ZNF83: variants seen among roughly 807,000 people sequenced by gnomAD.
ZNF83 encodes zinc finger protein 816B.
For missense variants in ZNF83, 552 were observed against 629.9 expected (o/e 0.88, Z 1.32); for synonymous variants, 209 against 213.0 (o/e 0.98, Z 0.17).
exon 3 of ZNF83, chr19:52,614,012 C>T: frequency 6.2e-7 from 1 of 1,613,212 alleles, no homozygotes; most frequent in Non-Finnish European, 8.5e-7. Context: ...TGATTAAAGA[C>T]CTTGCCACAT....
intron 1 of ZNF83, among the ~76,000 whole-genome samples, chr19:52,682,408 C>T (rs1007112272): frequency 6.6e-6 from 1 of 152,028 alleles, no homozygotes; most frequent in Non-Finnish European, 1.5e-5. Context: ...AGTGGTGGCT[C>T]ATGCCTGAAA....
At chr19:52,678,202 T>C (rs2061849890) in intron 1 of ZNF83, among the ~76,000 whole-genome samples, 1 of 151,844 alleles carries the variant, frequency 6.6e-6, no homozygotes, top group South Asian at 2.1e-4. Context: ...CCTGTAATCC[T>C]AGCACTTTGG....
chr19:52,684,237 G>C (rs1390435099), intron 1 of ZNF83, among the ~76,000 whole-genome samples: 1 of 151,980 alleles, frequency 6.6e-6, no homozygotes, highest in Non-Finnish European at 1.5e-5. Flanking sequence ...GGCTTGGTGG[G>C]CATCTGTAAT....
At chr19:52,655,487 A>G in intron 3 of ZNF83, 1 of 1,327,722 alleles carries the variant, frequency 7.5e-7, no homozygotes, top group Non-Finnish European at 1.1e-6. Flanking sequence ...AAATCACAAA[A>G]GAGAATACAA....
At chr19:52,687,199 T>C (rs1162652628) in intron 1 of ZNF83, among the ~76,000 whole-genome samples, 1 of 143,948 alleles carries the variant, frequency 6.9e-6, no homozygotes, top group Non-Finnish European at 1.5e-5. Flanking sequence ...AAAAAAAAAG[T>C]ACTATGTAGG....
At chr19:52,689,726 C>T (rs1223631356) in intron 1 of ZNF83, among the ~76,000 whole-genome samples, 1 of 151,318 alleles carries the variant, frequency 6.6e-6, no homozygotes, top group African/African-American at 2.5e-5. Flanking sequence ...TTCTTCTTTT[C>T]TCTGTCTCAG....
chr19:52,613,844 C>A, exon 3 of ZNF83: 1 of 1,614,116 alleles, frequency 6.2e-7, no homozygotes, highest in Non-Finnish European at 8.5e-7. Context: ...CGACTGAACA[C>A]CTTGCCACAT....
chr19:52,661,811 A>T (rs1449793494), intron 1 of ZNF83, among the ~76,000 whole-genome samples: 1 of 152,144 alleles, frequency 6.6e-6, no homozygotes, highest in African/African-American at 2.4e-5. Flanking sequence ...TGCAATGTCA[A>T]ATGGGGCCTG....
chr19:52,646,540 T>A (rs1165867663), intron 3 of ZNF83, among the ~76,000 whole-genome samples: 7 of 152,188 alleles, frequency 4.6e-5, no homozygotes, highest in African/African-American at 1.2e-4. Context: ...TAGAGCCAGA[T>A]GCTATCTGAA....
chr19:52,655,860 C>T (rs560821714), intron 2 of ZNF83, among the ~76,000 whole-genome samples: 1 of 152,138 alleles, frequency 6.6e-6, no homozygotes, highest in Non-Finnish European at 1.5e-5. Flanking sequence ...TGTACTTTCC[C>T]ATGATAGATT....
upstream of ZNF83, chr19:52,638,402 C>T (rs2061228968): frequency 6.6e-6 from 1 of 151,518 alleles, no homozygotes; most frequent in East Asian, 2.0e-4. Flanking sequence ...GGGCGGGGCC[C>T]GCGAGGTGGG....
chr19:52,613,079 C>T lies in ZNF83; in HGVS notation c.1486G>A (p.Asp496Asn), dbSNP rs191070309. The T allele has an allele frequency of 7.4e-6, 12 of 1,612,938 alleles. No individual in the cohort carries two copies. Among genetic ancestry groups the T allele is most frequent in the African/African-American group, 4.0e-5 (3 of 74,962 alleles). ...TGATGACGTACAAGATATGAATTGT[C>T]GCGGAAGAGTTTGCCACATTCATTA... The change falls in exon 3 of 3, where the codon GAC (aspartate) becomes AAC (asparagine). Residue 496 changes from aspartate (D) to asparagine (N), a missense_variant. By Grantham distance (23) the Asp-to-Asn change is conservative. Transcript: ENST00000301096.
chr19:52,680,603 A>G (rs2061891253), intron 1 of ZNF83, among the ~76,000 whole-genome samples: 1 of 101,640 alleles, frequency 9.8e-6, no homozygotes, highest in African/African-American at 3.0e-5. Flanking sequence ...TTTTCCACAA[A>G]ATATTTTTTT....
rs1259173570 is a variant in ZNF83, at chr19:52,618,901, G to A, written c.-233-4104C>T. 5.2e-6 allele frequency: 8 copies of A among 1,542,640 alleles called. 1 individual carries two copies. Among genetic ancestry groups the A allele is most frequent in the African/African-American group, 1.4e-5 (1 of 72,180 alleles). On this transcript the variant is annotated intron_variant, in intron 2 of 2. Coordinates refer to ENST00000301096, the Ensembl canonical transcript of ZNF83. The stretch of plus-strand genomic sequence containing the variant: ...AGAGAAAATGCAAAGATACACAAGG[G>A]AACATCCCCACTTCTGGAGGGAAGT...
At chr19:52,676,530 C>A (rs1257218285) in intron 1 of ZNF83, among the ~76,000 whole-genome samples, 1 of 151,690 alleles carries the variant, frequency 6.6e-6, no homozygotes, top group East Asian at 2.0e-4. Flanking sequence ...GGCCAGCCGC[C>A]CCGTCTGGGA....
chr19:52,650,211 C>T (rs541768494), intron 3 of ZNF83, among the ~76,000 whole-genome samples: 6 of 150,960 alleles, frequency 4.0e-5, no homozygotes, highest in South Asian at 4.2e-4. Flanking sequence ...ACTGAGAGCC[C>T]GTGGTAAATT....
At chr19:52,634,914 T>C (rs970116341) in intron 2 of ZNF83, among the ~76,000 whole-genome samples, 152 bp downstream of exon 2, 4 of 151,748 alleles carry the variant, frequency 2.6e-5, no homozygotes, top group African/African-American at 9.7e-5. Context: ...GGAATCTAAG[T>C]GAGATGAGAG....
intron 1 of ZNF83, among the ~76,000 whole-genome samples, chr19:52,664,700 G>A (rs1011643196): frequency 6.6e-6 from 1 of 151,798 alleles, no homozygotes; most frequent in African/African-American, 2.4e-5. Flanking sequence ...CAGATTAAGT[G>A]GGTGGGGCCT....
intron 2 of ZNF83, among the ~76,000 whole-genome samples, chr19:52,620,122 T>C (rs1184965777): frequency 2.6e-5 from 4 of 152,114 alleles, no homozygotes; most frequent in Non-Finnish European, 4.4e-5. Flanking sequence ...AATAATAAAA[T>C]TTACGCAGAC....
Sources: allele counts gnomAD v4.1 joint callset (sites outside exome capture counted in the v4.1 genomes callset), GRCh38; gene constraint gnomAD v4.1.1; transcripts MANE v1.5; gene names NCBI Gene and HGNC (gene_info 2026-07-23, HGNC 2026-07-21).